The following LDB2 variants were observed in gnomAD, a reference collection of about 807,000 sequenced individuals.
LDB2 encodes LIM domain binding 2.
Under a neutral mutation model 44.3 loss-of-function variants are expected in LDB2, and 12 were observed. That is an observed-to-expected ratio of 0.27 (90% confidence interval 0.17 to 0.44). The LOEUF (loss-of-function observed/expected upper bound fraction) is 0.44. Among genes scored for constraint, LDB2 ranks in the 20% least tolerant of loss-of-function variants. LDB2 has a pLI of 1.00. For synonymous variants in LDB2, 164 were observed against 174.8 expected (o/e 0.94, Z 0.49); for missense variants, 344 against 473.5 (o/e 0.73, Z 2.54).
intron 1 of LDB2, among the ~76,000 whole-genome samples, chr4:16,864,080 T>C (rs1424592235): frequency 6.6e-6 from 1 of 152,130 alleles, no homozygotes; most frequent in African/African-American, 2.4e-5. Context: ...CACCTACCTG[T>C]ACTCTACTGT....
At chr4:16,789,599 T>C (rs1775256169) in intron 1 of LDB2, among the ~76,000 whole-genome samples, 1 of 152,194 alleles carries the variant, frequency 6.6e-6, no homozygotes, top group South Asian at 2.1e-4. Context: ...CTTACTATGT[T>C]CCAGACACTC....
chr4:16,547,907 T>A (rs1736310034), intron 5 of LDB2, among the ~76,000 whole-genome samples: 1 of 152,166 alleles, frequency 6.6e-6, no homozygotes, highest in East Asian at 1.9e-4. Context: ...TAAATAAATT[T>A]AAAAATTTAC....
intron 5 of LDB2, among the ~76,000 whole-genome samples, chr4:16,520,476 T>C (rs950127744): frequency 3.2e-4 from 48 of 152,240 alleles, no homozygotes; most frequent in African/African-American, 1.1e-3. Context: ...GTTTATTTCC[T>C]GATAGGATTA....
intron 2 of LDB2, among the ~76,000 whole-genome samples, chr4:16,715,067 T>G (rs1182038157): frequency 6.6e-6 from 1 of 152,212 alleles, no homozygotes; most frequent in Admixed American, 6.5e-5. Context: ...GTGACCAGCT[T>G]GTTTCTAAGT....
intron 2 of LDB2, among the ~76,000 whole-genome samples, chr4:16,664,926 T>C (rs1560805328): frequency 6.6e-6 from 1 of 152,196 alleles, no homozygotes; most frequent in Non-Finnish European, 1.5e-5. Flanking sequence ...CCAAAGCTCC[T>C]ATGGAAGGAC....
At chr4:16,841,572 C>A (rs987898069) in intron 1 of LDB2, among the ~76,000 whole-genome samples, 2 of 152,254 alleles carry the variant, frequency 1.3e-5, no homozygotes, top group African/African-American at 2.4e-5. Flanking sequence ...CGAAGGCAAC[C>A]AACACATAGA....
intron 2 of LDB2, among the ~76,000 whole-genome samples, chr4:16,702,053 A>T (rs1277477485): frequency 6.6e-6 from 1 of 152,214 alleles, no homozygotes; most frequent in Non-Finnish European, 1.5e-5. Flanking sequence ...TTGTCTTAAA[A>T]AAGAAAGAAT....
At chr4:16,845,134 G>T (rs1191318009) in intron 1 of LDB2, among the ~76,000 whole-genome samples, 2 of 152,322 alleles carry the variant, frequency 1.3e-5, no homozygotes, top group East Asian at 3.9e-4. Context: ...AGCAGGTGGA[G>T]GCTGCACAAG....
At position 16,676,360 on chromosome 4, in the gene LDB2, G is replaced by A. The variant is rs565852743; in HGVS notation, c.236-80485C>T. 3.1e-4 allele frequency among the ~76,000 whole-genome samples: 47 copies of A among 152,304 alleles called. 1 individual carries two copies. Among genetic ancestry groups the A allele is most frequent in the African/African-American group, 1.1e-3 (46 of 41,572 alleles). ...CTGTGTCTATTCCAGCTCCATTATT[G>A]CTAGAAAGTGGAAAGCTAATCCAAT... On this transcript the variant is annotated intron_variant, in intron 2 of 7. Coordinates refer to ENST00000304523, the MANE Select transcript of LDB2 (RefSeq NM_001290.5).
chr4:16,744,210 G>A (rs1763913176), intron 2 of LDB2, among the ~76,000 whole-genome samples: 1 of 152,216 alleles, frequency 6.6e-6, no homozygotes, highest in Non-Finnish European at 1.5e-5. Context: ...AGGCTGGAGT[G>A]CAGTGGCTGG....
At chr4:16,893,835 A>G (rs546325553) in intron 1 of LDB2, among the ~76,000 whole-genome samples, 10 of 152,096 alleles carry the variant, frequency 6.6e-5, no homozygotes, top group Non-Finnish European at 1.5e-4. Context: ...AACTATGTAT[A>G]CTTAAAAATA....
chr4:16,758,392 G>C (rs943701329), intron 2 of LDB2, among the ~76,000 whole-genome samples: 2 of 152,138 alleles, frequency 1.3e-5, no homozygotes. Context: ...TCCTCTGATG[G>C]ATTCTTTCCT....
At chr4:16,593,496 GA>G (rs1238450539) in intron 3 of LDB2, among the ~76,000 whole-genome samples, 1 of 147,204 alleles carries the variant, frequency 6.8e-6, no homozygotes, top group Non-Finnish European at 1.5e-5. Flanking sequence ...ATTGAGAGAG[GA>G]AAAAAAGAAA....
At chr4:16,894,183 T>A (rs1447241636) in intron 1 of LDB2, among the ~76,000 whole-genome samples, 2 of 152,184 alleles carry the variant, frequency 1.3e-5, no homozygotes, top group Non-Finnish European at 2.9e-5. Flanking sequence ...TAAAACTATA[T>A]AATTGTGCGG....
At chr4:16,807,653 T>G (rs1233479831) in intron 1 of LDB2, among the ~76,000 whole-genome samples, 1 of 152,238 alleles carries the variant, frequency 6.6e-6, no homozygotes, top group Non-Finnish European at 1.5e-5. Flanking sequence ...AGATCTTTCA[T>G]GGCCAAGTCA....
chr4:16,835,981 T>C (rs1207184626), intron 1 of LDB2, among the ~76,000 whole-genome samples: 1 of 152,198 alleles, frequency 6.6e-6, no homozygotes, highest in Non-Finnish European at 1.5e-5. Context: ...TGACTTGTAG[T>C]ATTTGCTAAT....
At chr4:16,797,376 G>T (rs963210784) in intron 1 of LDB2, among the ~76,000 whole-genome samples, 1 of 152,062 alleles carries the variant, frequency 6.6e-6, no homozygotes, top group African/African-American at 2.4e-5. Context: ...TCATACTAAC[G>T]TAAGATCTTG....
chr4:16,805,575 G>A (rs1381344942), intron 1 of LDB2, among the ~76,000 whole-genome samples: 1 of 152,188 alleles, frequency 6.6e-6, no homozygotes, highest in Non-Finnish European at 1.5e-5. Context: ...AGGGTATGGA[G>A]AGAGATGAGA....
chr4:16,778,669 C>T (rs893635132), intron 1 of LDB2, among the ~76,000 whole-genome samples: 1 of 152,162 alleles, frequency 6.6e-6, no homozygotes, highest in African/African-American at 2.4e-5. Flanking sequence ...AATATTAGCT[C>T]GCCATTTTGA....
Sources: allele counts gnomAD v4.1 joint callset (sites outside exome capture counted in the v4.1 genomes callset), GRCh38; gene constraint gnomAD v4.1.1; transcripts MANE v1.5; gene names NCBI Gene and HGNC (gene_info 2026-07-23, HGNC 2026-07-21).